Variants in OR1I1 observed in about 807,000 individuals in gnomAD.
OR1I1 encodes olfactory receptor family 1 subfamily I member 1.
For missense variants in OR1I1, 451 were observed against 443.6 expected (o/e 1.02, Z -0.15); for synonymous variants, 171 against 181.4 (o/e 0.94, Z 0.46).
At position 15,088,236 on chromosome 19, in the gene OR1I1, A is replaced by G. The variant is rs2046240101; in HGVS notation, c.*103A>G. The G allele has an allele frequency of 2.9e-6, 4 of 1,380,170 alleles. No individual in the cohort carries two copies. The highest frequency in any genetic ancestry group is 3.8e-6 in the Non-Finnish European group (4 of 1,040,620). The allele number at this position is 1,380,170 out of a possible 1,614,324, so 85.5% of individuals were successfully genotyped here. A position where few individuals can be genotyped will look rare whatever the true frequency, so the allele number is the denominator to read the frequency against. ...TTTTCCCCAGGATTTATCTTCCCCAAAAAGATCAGAATAGCAAGGATCAAA... is the reference window on the plus strand; with the variant it reads ...TTTTCCCCAGGATTTATCTTCCCCAGAAAGATCAGAATAGCAAGGATCAAA... On this transcript the variant is annotated 3_prime_UTR_variant, in exon 2 of 2. Transcript: ENST00000641398.
rs1328424950 is a variant in OR1I1, at chr19:15,085,149, TATATATATATATATATATATATATA to T, written c.-13-1903_-13-1879del. Among the ~76,000 whole-genome samples the T allele has an allele frequency of 1.2e-3, 40 of 34,544 alleles. 2 individuals carry two copies. Among genetic ancestry groups the T allele is most frequent in the African/African-American group, 3.8e-3 (29 of 7,590 alleles). 22.7% of individuals were successfully genotyped at this position (34,544 alleles called of 152,430 possible). A position where few individuals can be genotyped will look rare whatever the true frequency, so the allele number is the denominator to read the frequency against. ...TTTGACTTATATATATATATATATA[TATATATATATATATATATATATATA>T]TATTTTTTTTTTTGAGACAGAGTTT... is the stretch of plus-strand genomic sequence containing the variant. On this transcript the variant is annotated intron_variant, in intron 1 of 1. Coordinates refer to ENST00000641398, the MANE Select transcript of OR1I1 (RefSeq NM_001004713.2).
chr19:15,085,945 C>T (rs776225683), intron 1 of OR1I1, among the ~76,000 whole-genome samples: 2 of 151,986 alleles, frequency 1.3e-5, no homozygotes, highest in Non-Finnish European at 2.9e-5. Context: ...CGGTTTTTAA[C>T]ACAAAACTGA....
At chr19:15,086,841 T>G (rs182109945) in intron 1 of OR1I1, 2 of 663,976 alleles carry the variant, frequency 3.0e-6, no homozygotes, top group African/African-American at 3.6e-5. Context: ...GTTAGATCCT[T>G]GAGACCCTGA....
rs2046235767 is a variant in OR1I1 at position 15,087,574 on chromosome 19, C to T, written c.509C>T (p.Ala170Val). ...TCLMAQLTFC[A>V]GSEISHFFCD... ...CTCATGGCTCAACTGACCTTCTGCGCCGGCTCTGAAATCTCCCACTTCTTC... is the reference window on the plus strand; with the variant it reads ...CTCATGGCTCAACTGACCTTCTGCGTCGGCTCTGAAATCTCCCACTTCTTC... The change falls in exon 2 of 2, where the codon GCC (alanine) becomes GTC (valine). Residue 170 changes from alanine to valine, a missense_variant. Transcript: ENST00000641398. 4 of 1,614,046 alleles carry T rather than the reference C, an allele frequency of 2.5e-6. No individual in the cohort carries two copies. The highest frequency in any genetic ancestry group is 3.4e-6 in the Non-Finnish European group (4 of 1,180,054).
chr19:15,087,757 C>T lies in OR1I1; in HGVS notation c.692C>T (p.Thr231Ile). 1.9e-6 allele frequency: 3 copies of T among 1,614,212 alleles called. No individual in the cohort carries two copies. The highest frequency in any genetic ancestry group is 1.6e-4 in the Middle Eastern group (1 of 6,062). ...IFWTVFKIPS[T>I]RGKWKAFSTC... ...TGGACAGTCTTTAAGATCCCTTCTA[C>T]TCGGGGCAAGTGGAAAGCCTTCTCC... is the stretch of plus-strand genomic sequence containing the variant. Residue 231 changes from threonine to isoleucine, a missense_variant, in exon 2 of 2, where the codon ACT becomes ATT. Coordinates refer to ENST00000641398, the MANE Select transcript of OR1I1 (RefSeq NM_001004713.2).
Position 15,087,684 on chromosome 19 carries a change from G to A in OR1I1, c.619G>A (p.Gly207Ser). 8 of 1,614,184 alleles carry A rather than the reference G, an allele frequency of 5.0e-6. No homozygotes were observed. The highest frequency in any genetic ancestry group is 6.8e-6 in the Non-Finnish European group (8 of 1,180,028). Reference protein sequence around the residue: ...LVIFAFGIVVGTSPFSCILLS... With the variant: ...LVIFAFGIVVSTSPFSCILLS... Reference sequence around the variant, plus strand: ...GATCTTTGCTTTTGGCATTGTCGTGGGCACCAGCCCATTCTCCTGCATCCT... The same window carrying A: ...GATCTTTGCTTTTGGCATTGTCGTGAGCACCAGCCCATTCTCCTGCATCCT... The change falls in exon 2 of 2, where the codon GGC becomes AGC. Residue 207 changes from glycine to serine, a missense_variant. Coordinates refer to ENST00000641398, the MANE Select transcript of OR1I1 (RefSeq NM_001004713.2).
chr19:15,084,098 T>C (rs966620961), intron 1 of OR1I1, among the ~76,000 whole-genome samples: 1 of 152,206 alleles, frequency 6.6e-6, no homozygotes, highest in Non-Finnish European at 1.5e-5. Flanking sequence ...TGGCCATTCT[T>C]AGGGAGGCAG....
In OR1I1 at chr19:15,088,084, C is replaced by G; in HGVS notation, c.1019C>G (p.Pro340Arg). Reference protein sequence around the residue: ...AARDTEMHPIPYPGGVQSLAG... With the variant: ...AARDTEMHPIRYPGGVQSLAG... ...AGGGACACAGAGATGCATCCCATCC[C>G]CTACCCTGGAGGAGTTCAGAGTCTA... is the stretch of plus-strand genomic sequence containing the variant. The change falls in exon 2 of 2, where the codon CCC (proline) becomes CGC (arginine). Residue 340 changes from proline (P) to arginine (R), a missense_variant. Transcript: ENST00000641398. The G allele has an allele frequency of 6.4e-7, 1 of 1,571,316 alleles. No individual in the cohort carries two copies. The highest frequency in any genetic ancestry group is 1.1e-5 in the South Asian group (1 of 87,518).
intron 1 of OR1I1, among the ~76,000 whole-genome samples, chr19:15,084,429 T>A (rs1390087005): frequency 1.3e-5 from 2 of 151,910 alleles, no homozygotes; most frequent in Non-Finnish European, 2.9e-5. Flanking sequence ...GTGGTGGTGC[T>A]CGCCTGTCAT....
In OR1I1 at chr19:15,087,362, C is replaced by G. The variant is rs1177633203; in HGVS notation, c.297C>G (p.Thr99=). The G allele has an allele frequency of 3.7e-6, 6 of 1,614,070 alleles. 1 individual carries two copies. Among genetic ancestry groups the G allele is most frequent in the Non-Finnish European group, 5.1e-6 (6 of 1,180,036 alleles). The change falls in exon 2 of 2, where the codon ACC becomes ACG. Residue 99 remains threonine, a synonymous_variant. Transcript: ENST00000641398. ...CCATCCCCTTTGTGGGCTGCCTCACCCAGATGTATGCCTTCCACCTGTTCG... is the reference window on the plus strand; with the variant it reads ...CCATCCCCTTTGTGGGCTGCCTCACGCAGATGTATGCCTTCCACCTGTTCG... The part of the protein sequence containing the change: ...SRAIPFVGCL[T]QMYAFHLFGT...
intron 1 of OR1I1, among the ~76,000 whole-genome samples, chr19:15,084,494 G>T (rs917337804): frequency 6.6e-6 from 1 of 152,134 alleles, no homozygotes; most frequent in Non-Finnish European, 1.5e-5. Flanking sequence ...GGAGGCGGGG[G>T]TTGCAGTGAG....
In OR1I1 at chr19:15,092,087, C is replaced by CTTTTTTTTTTTTTTTTTTTT. The variant is rs537423650; in HGVS notation, c.*3958_*3977dup. ...CATTTCACAAATTGGATTTAAAACG[C>CTTTTTTTTTTTTTTTTTTTT]TTTTTTTTTTTTTTTTTTTTTTTGG... On this transcript the variant is annotated 3_prime_UTR_variant, in exon 2 of 2. Coordinates refer to ENST00000641398, the MANE Select transcript of OR1I1 (RefSeq NM_001004713.2). 2.1e-3 allele frequency: 103 copies of CTTTTTTTTTTTTTTTTTTTT among 48,990 alleles called. 6 individuals carry two copies. Among genetic ancestry groups the CTTTTTTTTTTTTTTTTTTTT allele is most frequent in the African/African-American group, 8.7e-3 (93 of 10,720 alleles). 3.0% of individuals were successfully genotyped at this position (48,990 alleles called of 1,614,324 possible). A position where few individuals can be genotyped will look rare whatever the true frequency, so the allele number is the denominator to read the frequency against.
intron 1 of OR1I1, among the ~76,000 whole-genome samples, chr19:15,085,350 A>G (rs1375531025): frequency 6.6e-6 from 1 of 151,274 alleles, no homozygotes; most frequent in Non-Finnish European, 1.5e-5. Context: ...TTGTATTTTC[A>G]GTAGAGACGG....
At position 15,088,806 on chromosome 19, in the gene OR1I1, T is replaced by TAGATAGATAGATAGATAGATAGAC. The variant is rs1568323057; in HGVS notation, c.*690_*691insGATAGACAGATAGATAGATAGATA. The TAGATAGATAGATAGATAGATAGAC allele has an allele frequency of 4.1e-5, 5 of 121,930 alleles. No homozygotes were observed. The highest frequency in any genetic ancestry group is 2.7e-4 in the Admixed American group (3 of 11,290). The allele number at this position is 121,930 out of a possible 1,614,324, so 7.6% of individuals were successfully genotyped here. A position where few individuals can be genotyped will look rare whatever the true frequency, so the allele number is the denominator to read the frequency against. The stretch of plus-strand genomic sequence containing the variant: ...ATAGATAGATAGATAGATAGATAGA[T>TAGATAGATAGATAGATAGATAGAC]AGATAGATAGATAGATATACAGATA... On this transcript the variant is annotated 3_prime_UTR_variant, in exon 2 of 2. Coordinates refer to ENST00000641398, the MANE Select transcript of OR1I1 (RefSeq NM_001004713.2).
chr19:15,084,593 CA>C lies in OR1I1; in HGVS notation c.-14+2318del, dbSNP rs200170778. The stretch of plus-strand genomic sequence containing the variant: ...AGAAAGAAAGAAACCGGCTCCTCAT[CA>C]GGATAAATAGCTAATGCATGCTGGG... On this transcript the variant is annotated intron_variant, in intron 1 of 1. Coordinates refer to ENST00000641398, the MANE Select transcript of OR1I1 (RefSeq NM_001004713.2). 7.4e-3 allele frequency among the ~76,000 whole-genome samples: 1,124 copies of C among 152,004 alleles called. 20 individuals carry two copies. The highest frequency in any genetic ancestry group is 0.025 in the African/African-American group (1,047 of 41,460).
intron 1 of OR1I1, among the ~76,000 whole-genome samples, chr19:15,085,176 A>ATGT (rs1555717400): frequency 5.0e-5 from 4 of 80,132 alleles, no homozygotes; most frequent in South Asian, 5.0e-4. Context: ...ATATATATAT[A>ATGT]TTTTTTTTTT....
rs2046252573 is a variant in OR1I1 at position 15,090,557 on chromosome 19, G to T, written c.*2424G>T. On this transcript the variant is annotated 3_prime_UTR_variant, in exon 2 of 2. Transcript: ENST00000641398. ...AACTGTAAGACAACAAATTTCTATTGTTTAAGTCACCTAGTTCATGGTAAT... is the reference window on the plus strand; with the variant it reads ...AACTGTAAGACAACAAATTTCTATTTTTTAAGTCACCTAGTTCATGGTAAT... 1 of 152,058 alleles carries T rather than the reference G, an allele frequency of 6.6e-6. No homozygotes were observed. The highest frequency in any genetic ancestry group is 1.5e-5 in the Non-Finnish European group (1 of 68,028). 9.4% of individuals were successfully genotyped at this position (152,058 alleles called of 1,614,324 possible). A position where few individuals can be genotyped will look rare whatever the true frequency, so the allele number is the denominator to read the frequency against.
chr19:15,088,802 T>TAGATAGATAGATGATAGATAGAC lies in OR1I1; in HGVS notation c.*681_*682insGATAGATAGACAGATAGATAGAT, dbSNP rs2046243943. On this transcript the variant is annotated 3_prime_UTR_variant, in exon 2 of 2. Coordinates refer to ENST00000641398, the MANE Select transcript of OR1I1 (RefSeq NM_001004713.2). ...ATAGATAGATAGATAGATAGATAGA[T>TAGATAGATAGATGATAGATAGAC]AGATAGATAGATAGATAGATATACA... 1 of 132,164 alleles carries TAGATAGATAGATGATAGATAGAC rather than the reference T, an allele frequency of 7.6e-6. No individual in the cohort carries two copies. The highest frequency in any genetic ancestry group is 1.6e-5 in the Non-Finnish European group (1 of 61,400). The allele number at this position is 132,164 out of a possible 1,614,324, so 8.2% of individuals were successfully genotyped here.
chr19:15,090,722 AGTAGT>A lies in OR1I1; in HGVS notation c.*2590_*2594del, dbSNP rs2046253147. 1 of 152,282 alleles carries A rather than the reference AGTAGT, an allele frequency of 6.6e-6. No individual in the cohort carries two copies. The highest frequency in any genetic ancestry group is 6.6e-5 in the Admixed American group (1 of 15,254). 9.4% of individuals were successfully genotyped at this position (152,282 alleles called of 1,614,324 possible). A position where few individuals can be genotyped will look rare whatever the true frequency, so the allele number is the denominator to read the frequency against. ...GCAATCCTCCTGCCTCAGCCTCCTG[AGTAGT>A]TGGGACTACAGGCCTATGCCACTGC... is the stretch of plus-strand genomic sequence containing the variant. On this transcript the variant is annotated 3_prime_UTR_variant, in exon 2 of 2. Coordinates refer to ENST00000641398, the MANE Select transcript of OR1I1 (RefSeq NM_001004713.2).
Sources: allele counts gnomAD v4.1 joint callset (sites outside exome capture counted in the v4.1 genomes callset), GRCh38; gene constraint gnomAD v4.1.1; transcripts MANE v1.5; gene names NCBI Gene and HGNC (gene_info 2026-07-23, HGNC 2026-07-21).